XRCC4: variants seen among roughly 807,000 people sequenced by gnomAD.
XRCC4 encodes DNA repair protein XRCC4.
Under a neutral mutation model 39.1 loss-of-function variants are expected in XRCC4, and 28 were observed. The observed-to-expected ratio is 0.72, with a 90% CI of 0.53 to 0.98. The LOEUF (loss-of-function observed/expected upper bound fraction) is 0.98. XRCC4 is among the 50% of genes least tolerant of loss of function. The probability of loss-of-function intolerance (pLI) is 0.00; values close to 1 mark genes in which losing one functional copy is unlikely to be tolerated. For missense variants in XRCC4, 350 were observed against 376.4 expected (o/e 0.93, Z 0.58); for synonymous variants, 123 against 126.4 (o/e 0.97, Z 0.18).
intron 3 of XRCC4, among the ~76,000 whole-genome samples, chr5:83,152,722 T>C (rs1748773132): frequency 6.6e-6 from 1 of 152,166 alleles, no homozygotes; most frequent in Admixed American, 6.5e-5. Flanking sequence ...ATGTTCTTTT[T>C]AAAGTATTTC....
intron 3 of XRCC4, among the ~76,000 whole-genome samples, chr5:83,127,123 G>C (rs1039242684): frequency 2.0e-5 from 3 of 152,110 alleles, no homozygotes; most frequent in African/African-American, 7.2e-5. Context: ...GCTGAAATGA[G>C]TTAAGACTTT....
At chr5:83,201,798 C>G (rs1751209672) in intron 4 of XRCC4, 1 of 152,520 alleles carries the variant, frequency 6.6e-6, no homozygotes, top group Admixed American at 6.5e-5. Context: ...AATCCCAGAA[C>G]TTTGGGAGGC....
At chr5:83,216,128 A>G (rs911808451) in intron 6 of XRCC4, among the ~76,000 whole-genome samples, 11 of 152,162 alleles carry the variant, frequency 7.2e-5, no homozygotes, top group Non-Finnish European at 1.0e-4. Flanking sequence ...AAGAAAATAA[A>G]CAACTGGGTC....
chr5:83,358,593 G>A (rs1420715426), downstream of XRCC4, among the ~76,000 whole-genome samples: 2 of 152,046 alleles, frequency 1.3e-5, no homozygotes, highest in Non-Finnish European at 2.9e-5. Context: ...CACCCATCTT[G>A]ATACTGAATT....
Position 83,256,120 on chromosome 5 carries a change from G to C in XRCC4, c.746-2410G>C, listed in dbSNP as rs146888778. ...ACTGATTAGTAAGTCATCAGTTATT[G>C]ATTGAAATATGAATAACAAAAGTAC... On this transcript the variant is annotated intron_variant, in intron 6 of 7. Coordinates refer to ENST00000396027, the MANE Select transcript of XRCC4 (RefSeq NM_003401.5). Among the ~76,000 whole-genome samples, 695 of 152,242 alleles carry C rather than the reference G, an allele frequency of 4.6e-3. 2 individuals carry two copies. The highest frequency in any genetic ancestry group is 0.016 in the African/African-American group (664 of 41,554).
intron 6 of XRCC4, among the ~76,000 whole-genome samples, chr5:83,223,382 T>G (rs578250723): frequency 6.6e-6 from 1 of 152,222 alleles, no homozygotes; most frequent in South Asian, 2.1e-4. Context: ...CTCTATATAT[T>G]TGGGTGCTGT....
chr5:83,105,008 C>A lies in XRCC4; in HGVS notation c.89C>A (p.Ser30Tyr). ...GTATCTTGGGAGAAAACACTGGAAT[C>A]TGGTTTTGTTATTACACTTACTGAT... ...LQVSWEKTLE[S>Y]GFVITLTDGH... is the part of the protein sequence containing the mutation. Residue 30 changes from serine to tyrosine, a missense_variant, in exon 2 of 8, where the codon TCT (serine) becomes TAT (tyrosine). Coordinates refer to ENST00000396027, the MANE Select transcript of XRCC4 (RefSeq NM_003401.5). 3.7e-6 allele frequency: 6 copies of A among 1,613,604 alleles called. No individual in the cohort carries two copies. The highest frequency in any genetic ancestry group is 4.2e-6 in the Non-Finnish European group (5 of 1,179,774).
At chr5:83,198,503 AT>A (rs1461220345) in intron 4 of XRCC4, among the ~76,000 whole-genome samples, 8 of 152,176 alleles carry the variant, frequency 5.3e-5, no homozygotes, top group African/African-American at 1.4e-4. Flanking sequence ...TTGCAAAAAA[AT>A]ATATTTATAT....
At chr5:83,203,246 A>T in intron 4 of XRCC4, among the ~76,000 whole-genome samples, 1 of 152,160 alleles carries the variant, frequency 6.6e-6, no homozygotes, top group East Asian at 1.9e-4. Context: ...TTTATCCCAT[A>T]AAAACATTCT....
At chr5:83,180,919 G>C (rs1362257060) in intron 3 of XRCC4, among the ~76,000 whole-genome samples, 1 of 151,844 alleles carries the variant, frequency 6.6e-6, no homozygotes, top group Non-Finnish European at 1.5e-5. Context: ...TTTTTGTTTT[G>C]TTTTAATTTT....
At chr5:83,370,407 CTCAA>C in the XRCC4 span, among the ~76,000 whole-genome samples, 3 of 152,136 alleles carry the variant, frequency 2.0e-5, no homozygotes, top group Admixed American at 1.3e-4. Context: ...TGCATTGTGG[CTCAA>C]TCAGACATGC....
chr5:83,082,845 C>T (rs887176222), intron 1 of XRCC4, among the ~76,000 whole-genome samples: 10 of 152,114 alleles, frequency 6.6e-5, no homozygotes, highest in Admixed American at 5.9e-4. Context: ...CACCTCTGCT[C>T]TACATGATCT....
chr5:83,345,411 A>T (rs1186961731), intron 7 of XRCC4, among the ~76,000 whole-genome samples: 1 of 152,158 alleles, frequency 6.6e-6, no homozygotes, highest in East Asian at 1.9e-4. Context: ...AAAAAAATTG[A>T]ATTGTATATG....
chr5:83,121,580 T>G (rs1231679932), intron 3 of XRCC4, among the ~76,000 whole-genome samples: 1 of 152,194 alleles, frequency 6.6e-6, no homozygotes, highest in African/African-American at 2.4e-5. Flanking sequence ...TTTAAATCTT[T>G]CACATTTGTT....
At chr5:83,111,326 G>A in intron 3 of XRCC4, 123 bp downstream of exon 3, 1 of 701,390 alleles carries the variant, frequency 1.4e-6, no homozygotes, top group Non-Finnish European at 2.1e-6. Context: ...AGCTTGAAAA[G>A]TACTTGGTTT....
In XRCC4 at chr5:83,257,638, A is replaced by G. The variant is rs576231091; in HGVS notation, c.746-892A>G. Among the ~76,000 whole-genome samples, 26 of 152,322 alleles carry G rather than the reference A, an allele frequency of 1.7e-4. No homozygotes were observed. The South Asian group carries it at 5.2e-3, about 30-fold the overall frequency. On this transcript the variant is annotated intron_variant, in intron 6 of 7. Transcript: ENST00000396027. ...GTGGAAGACAGTGTGGTGATTCCTC[A>G]AGGATCTAGAACCAGAAATACCATT...
At chr5:83,134,004 G>A (rs938232661) in intron 3 of XRCC4, among the ~76,000 whole-genome samples, 3 of 152,328 alleles carry the variant, frequency 2.0e-5, no homozygotes, top group Non-Finnish European at 4.4e-5. Flanking sequence ...GCTGGTGTGG[G>A]TTCCAGGTGA....
chr5:83,291,578 A>G (rs1302720440), intron 7 of XRCC4, among the ~76,000 whole-genome samples: 1 of 151,874 alleles, frequency 6.6e-6, no homozygotes, highest in African/African-American at 2.4e-5. Flanking sequence ...GGAGCAGCAG[A>G]ATAGAATATA....
chr5:83,096,363 C>A (rs1308750389), intron 1 of XRCC4, among the ~76,000 whole-genome samples: 1 of 152,108 alleles, frequency 6.6e-6, no homozygotes, highest in Non-Finnish European at 1.5e-5. Context: ...GGTCCACTGC[C>A]AAGACTGATG....
Sources: gnomAD v4.1 joint callset for allele counts (sites outside exome capture counted in the v4.1 genomes callset) on GRCh38, gnomAD v4.1.1 for gene constraint, MANE v1.5 for transcripts, NCBI Gene and HGNC (gene_info 2026-07-23, HGNC 2026-07-21) for gene names.